Variants in DLG1 observed in about 807,000 individuals in gnomAD.
The protein encoded by DLG1 is discs large MAGUK scaffold protein 1.
DLG1 carries 42 observed loss-of-function variants against 123.4 expected under a neutral mutation model. The ratio of observed to expected loss-of-function variants is 0.34; its 90% CI spans 0.27 to 0.44. The LOEUF (loss-of-function observed/expected upper bound fraction) is 0.44, where lower values mean the gene tolerates loss of function less well. DLG1 is among the 20% of genes least tolerant of loss of function. The probability of loss-of-function intolerance (pLI) is 1.00; values close to 1 mark genes in which losing one functional copy is unlikely to be tolerated. For synonymous variants in DLG1, 317 were observed against 356.2 expected (o/e 0.89, Z 1.24); for missense variants, 942 against 1,082.6 (o/e 0.87, Z 1.82).
At chr3:197,066,642 T>TC in intron 20 of DLG1, 62 bp downstream of exon 20, 1 of 1,320,210 alleles carries the variant, frequency 7.6e-7, no homozygotes, top group African/African-American at 1.5e-5. Context: ...AGAATTTTTT[T>TC]CCCCCAAATT....
chr3:197,058,387 T>C (rs2148805828), intron 23 of DLG1, among the ~76,000 whole-genome samples: 1 of 147,922 alleles, frequency 6.8e-6, no homozygotes, highest in African/African-American at 2.5e-5. Context: ...AAGCTGTGTG[T>C]ATTCCTTCAA....
chr3:197,057,182 G>A (rs2148790345), intron 23 of DLG1, among the ~76,000 whole-genome samples: 1 of 152,036 alleles, frequency 6.6e-6, no homozygotes, highest in South Asian at 2.1e-4. Context: ...TGGGCTCAAG[G>A]GATCCTCCTG....
At chr3:197,144,848 ACT>A (rs1789901682) in intron 6 of DLG1, among the ~76,000 whole-genome samples, 1 of 151,982 alleles carries the variant, frequency 6.6e-6, no homozygotes, top group South Asian at 2.1e-4. Context: ...TTGGGATTTC[ACT>A]CTGTTACCCA....
chr3:197,160,369 A>T lies in DLG1; in HGVS notation c.484-10573T>A, dbSNP rs1319694129. On this transcript the variant is annotated intron_variant, in intron 5 of 24. Transcript: ENST00000667157. ...AGTAAAATAAACTTTCAATTCTATT[A>T]AAAAAAAAAAAAACTGTACTAATAA... is the stretch of plus-strand genomic sequence containing the variant. Among the ~76,000 whole-genome samples the T allele has an allele frequency of 1.7e-4, 12 of 71,166 alleles. No individual in the cohort carries two copies. In the East Asian group the frequency reaches 0.014, roughly 86 times the overall value. 46.7% of individuals were successfully genotyped at this position (71,166 alleles called of 152,430 possible).
intron 11 of DLG1, among the ~76,000 whole-genome samples, chr3:197,127,350 G>A (rs1312581386): frequency 7.0e-6 from 1 of 143,002 alleles, no homozygotes; most frequent in Admixed American, 7.2e-5. Context: ...TTGAACCTGG[G>A]AGGCGGAGGT....
At chr3:197,068,106 G>A (rs1741011409) in intron 19 of DLG1, among the ~76,000 whole-genome samples, 1 of 152,102 alleles carries the variant, frequency 6.6e-6, no homozygotes, top group Non-Finnish European at 1.5e-5. Context: ...ATTCTTTTCT[G>A]TTTTAGAAGT....
At chr3:197,174,394 C>T (rs1805913926) in intron 5 of DLG1, among the ~76,000 whole-genome samples, 1 of 152,090 alleles carries the variant, frequency 6.6e-6, no homozygotes, top group Admixed American at 6.5e-5. Context: ...CAAGTTTCAC[C>T]TACAGTTCTT....
intron 11 of DLG1, among the ~76,000 whole-genome samples, chr3:197,123,569 A>G (rs1053599023): frequency 2.2e-4 from 34 of 152,242 alleles, no homozygotes; most frequent in African/African-American, 8.2e-4. Flanking sequence ...AGATAACTTT[A>G]TACATATACA....
intron 10 of DLG1, among the ~76,000 whole-genome samples, chr3:197,135,749 T>C (rs1026646814): frequency 6.6e-6 from 1 of 152,140 alleles, no homozygotes; most frequent in Non-Finnish European, 1.5e-5. Context: ...AGTGCAATAG[T>C]GTTTTGAAAA....
chr3:197,118,255 T>C (rs994361434), intron 12 of DLG1, among the ~76,000 whole-genome samples: 2 of 152,222 alleles, frequency 1.3e-5, no homozygotes, highest in Non-Finnish European at 2.9e-5. Context: ...ACTATTACAG[T>C]TTCCCTCTTT....
intron 15 of DLG1, among the ~76,000 whole-genome samples, chr3:197,086,321 G>T (rs1754333192): frequency 6.6e-6 from 1 of 152,142 alleles, no homozygotes; most frequent in African/African-American, 2.4e-5. Context: ...TTTGGAGAAA[G>T]TAATAATTTA....
At chr3:197,201,738 C>A (rs1048124373) in intron 4 of DLG1, among the ~76,000 whole-genome samples, 1 of 151,958 alleles carries the variant, frequency 6.6e-6, no homozygotes, top group South Asian at 2.1e-4. Context: ...AAAATGACCA[C>A]GTTGCCCAAA....
In DLG1 at chr3:197,130,559, T is replaced by C. The variant is rs1781976276; in HGVS notation, c.1133A>G (p.Asn378Ser). Reference protein sequence around the residue: ...KVAKPTSMYMNDGYAPPDITN... With the variant: ...KVAKPTSMYMSDGYAPPDITN... Reference sequence around the variant, plus strand: ...GATATCAGGTGGTGCATAGCCATCATTCATATACATACTTGTGGGTTTTGC... The same window carrying C: ...GATATCAGGTGGTGCATAGCCATCACTCATATACATACTTGTGGGTTTTGC... The change falls in exon 11 of 25, where the codon AAT (asparagine) becomes AGT (serine). Residue 378 changes from asparagine (N) to serine (S), a missense_variant. Asn to Ser is a conservative substitution (Grantham distance 46). Coordinates refer to ENST00000667157, the MANE Select transcript of DLG1 (RefSeq NM_001366207.1). The C allele has an allele frequency of 6.2e-7, 1 of 1,612,452 alleles. No individual in the cohort carries two copies. The highest frequency in any genetic ancestry group is 8.5e-7 in the Non-Finnish European group (1 of 1,179,392).
chr3:197,219,446 C>G (rs1159600416), intron 4 of DLG1, among the ~76,000 whole-genome samples: 1 of 152,130 alleles, frequency 6.6e-6, no homozygotes, highest in Non-Finnish European at 1.5e-5. Context: ...AAATGTTTTA[C>G]AAAAATGTGA....
chr3:197,172,564 G>A (rs1006783195), intron 5 of DLG1, among the ~76,000 whole-genome samples: 9 of 152,080 alleles, frequency 5.9e-5, no homozygotes, highest in African/African-American at 1.7e-4. Context: ...ATAAAACCAT[G>A]CGACTGTCAA....
chr3:197,244,290 G>A (rs7624684), intron 4 of DLG1, among the ~76,000 whole-genome samples: 43,117 of 152,180 alleles, frequency 0.28, 7,414 homozygotes, highest in East Asian at 0.71. Context: ...TGAGGTGTTG[G>A]AAGGGAACTA....
rs1018421774 is a variant in DLG1, at chr3:197,043,650, T to A, written c.*973A>T. 6 of 150,798 alleles carry A rather than the reference T, an allele frequency of 4.0e-5. No homozygotes were observed. The highest frequency in any genetic ancestry group is 3.5e-3 in the Middle Eastern group (1 of 286). 9.3% of individuals were successfully genotyped at this position (150,798 alleles called of 1,614,324 possible). ...CCATAGTTACAGTTTAAAGAAAGTT[T>A]TATATATATATTTATATATATTTTA... On this transcript the variant is annotated 3_prime_UTR_variant, in exon 25 of 25. Coordinates refer to ENST00000667157, the MANE Select transcript of DLG1 (RefSeq NM_001366207.1).
intron 15 of DLG1, among the ~76,000 whole-genome samples, chr3:197,089,188 C>T (rs1211425368): frequency 1.3e-5 from 2 of 152,090 alleles, no homozygotes; most frequent in African/African-American, 2.4e-5. Flanking sequence ...GGGCTGGTGC[C>T]GGTGACAGTT....
intron 4 of DLG1, among the ~76,000 whole-genome samples, chr3:197,218,457 T>C (rs921494579): frequency 5.3e-5 from 8 of 152,224 alleles, no homozygotes; most frequent in Non-Finnish European, 1.2e-4. Flanking sequence ...TAGACTCATT[T>C]TCTTAAAAAA....
Sources: allele counts gnomAD v4.1 joint callset (sites outside exome capture counted in the v4.1 genomes callset), GRCh38; gene constraint gnomAD v4.1.1; transcripts MANE v1.5; gene names NCBI Gene and HGNC (gene_info 2026-07-23, HGNC 2026-07-21).